The following NINJ2 variants were observed in gnomAD, a reference collection of about 807,000 sequenced individuals.
The protein encoded by NINJ2 is ninjurin 2.
NINJ2 carries 12 observed loss-of-function variants against 11.7 expected under a neutral mutation model. The ratio of observed to expected loss-of-function variants is 1.02; its 90% CI spans 0.66 to 1.66. NINJ2 has a LOEUF of 1.66. NINJ2 is among the 40% of genes most tolerant of loss of function. The probability of loss-of-function intolerance (pLI) is 0.00; values close to 1 mark genes in which losing one functional copy is unlikely to be tolerated. For synonymous variants in NINJ2, 93 were observed against 76.8 expected (o/e 1.21, Z -1.10); for missense variants, 187 against 181.8 (o/e 1.03, Z -0.16).
intron 1 of NINJ2, among the ~76,000 whole-genome samples, chr12:656,517 G>C (rs1195393301): frequency 6.6e-6 from 1 of 151,986 alleles, no homozygotes; most frequent in African/African-American, 2.4e-5. Flanking sequence ...TTGGGAGGTA[G>C]GGTCTGGTGG....
chr12:588,095 A>G (rs1947665633), intron 1 of NINJ2, among the ~76,000 whole-genome samples: 1 of 151,498 alleles, frequency 6.6e-6, no homozygotes, highest in African/African-American at 2.5e-5. Context: ...TTTCCCCTTG[A>G]AAAAAATTCC....
At chr12:651,767 A>G (rs1937789668) in intron 1 of NINJ2, among the ~76,000 whole-genome samples, 1 of 152,216 alleles carries the variant, frequency 6.6e-6, no homozygotes, top group South Asian at 2.1e-4. Context: ...GAGAGAACCA[A>G]AAAGAAACGC....
chr12:641,780 G>T (rs1167614203), intron 1 of NINJ2, among the ~76,000 whole-genome samples: 1 of 138,950 alleles, frequency 7.2e-6, no homozygotes, highest in South Asian at 2.3e-4. Flanking sequence ...GGGAGGTGGA[G>T]GTTGCAGTGA....
intron 1 of NINJ2, among the ~76,000 whole-genome samples, chr12:660,834 G>A (rs1164897206): frequency 6.6e-6 from 1 of 152,132 alleles, no homozygotes; most frequent in African/African-American, 2.4e-5. Context: ...GGTGGTACAT[G>A]CCTATAATCC....
chr12:646,453 A>T (rs1443762666), intron 1 of NINJ2, among the ~76,000 whole-genome samples: 5 of 152,178 alleles, frequency 3.3e-5, no homozygotes, highest in Non-Finnish European at 7.4e-5. Context: ...TGGGCTTTGC[A>T]AGATTCCTGC....
chr12:662,206 G>A (rs1359046190), intron 1 of NINJ2, among the ~76,000 whole-genome samples: 1 of 152,238 alleles, frequency 6.6e-6, no homozygotes, highest in Non-Finnish European at 1.5e-5. Context: ...AGAGGGACAA[G>A]CAAGCCTTGC....
At chr12:622,246 A>G (rs1023624978) in intron 1 of NINJ2, among the ~76,000 whole-genome samples, 3 of 151,362 alleles carry the variant, frequency 2.0e-5, no homozygotes, top group African/African-American at 7.3e-5. Flanking sequence ...CGTCTCTACT[A>G]AAAAATACAA....
At chr12:656,829 G>A (rs1397049256) in intron 1 of NINJ2, among the ~76,000 whole-genome samples, 1 of 151,956 alleles carries the variant, frequency 6.6e-6, no homozygotes, top group Non-Finnish European at 1.5e-5. Flanking sequence ...TAGATCAATG[G>A]AACAGAATAA....
chr12:599,883 G>A (rs1224427384), intron 1 of NINJ2, among the ~76,000 whole-genome samples: 5 of 152,078 alleles, frequency 3.3e-5, no homozygotes, highest in Non-Finnish European at 5.9e-5. Context: ...TGCCCGTCTC[G>A]GGCACAGGAG....
At chr12:601,552 A>T (rs1460829101) in intron 1 of NINJ2, among the ~76,000 whole-genome samples, 15 of 146,838 alleles carry the variant, frequency 1.0e-4, no homozygotes, top group African/African-American at 2.5e-4. Context: ...CCGTCTCAAA[A>T]AAAAAAAAAA....
chr12:650,495 C>T (rs1054112940), intron 1 of NINJ2, among the ~76,000 whole-genome samples: 6 of 152,202 alleles, frequency 3.9e-5, no homozygotes, highest in East Asian at 1.9e-4. Context: ...GTCAGGAGTC[C>T]GAGACCAGCC....
intron 1 of NINJ2, among the ~76,000 whole-genome samples, chr12:639,446 G>A (rs964810794): frequency 6.6e-6 from 1 of 151,884 alleles, no homozygotes; most frequent in African/African-American, 2.4e-5. Flanking sequence ...TCTAGCTCAG[G>A]AGCCTGTGTC....
At chr12:642,883 G>C (rs918785666) in intron 1 of NINJ2, 1 of 150,528 alleles carries the variant, frequency 6.6e-6, no homozygotes, top group Non-Finnish European at 1.5e-5. Context: ...GCCCGCCCGC[G>C]TCAGCTGACC....
intron 1 of NINJ2, among the ~76,000 whole-genome samples, chr12:592,857 T>C (rs534274012): frequency 1.3e-5 from 2 of 152,132 alleles, no homozygotes; most frequent in South Asian, 2.1e-4. Flanking sequence ...CTCAGAAAAG[T>C]TATGAAAAGA....
intron 1 of NINJ2, among the ~76,000 whole-genome samples, chr12:587,410 G>A (rs531080209): frequency 6.6e-6 from 1 of 152,352 alleles, no homozygotes; most frequent in South Asian, 2.1e-4. Flanking sequence ...TTATTGTGCA[G>A]GACAGAATGT....
intron 1 of NINJ2, chr12:644,414 A>G (rs1937644632): frequency 6.6e-6 from 1 of 152,226 alleles, no homozygotes; most frequent in Admixed American, 6.6e-5. Context: ...TACTACTGCT[A>G]TTCCCATTTT....
At chr12:583,906 A>G (rs1947595930) in intron 1 of NINJ2, among the ~76,000 whole-genome samples, 1 of 152,174 alleles carries the variant, frequency 6.6e-6, no homozygotes, top group South Asian at 2.1e-4. Flanking sequence ...GCATTAACCT[A>G]TTTTTAAGGA....
rs147264446 is a variant in NINJ2 at position 623,087 on chromosome 12, T to A, written c.33+40241A>T. 2.0e-5 allele frequency among the ~76,000 whole-genome samples: 3 copies of A among 152,334 alleles called. No homozygotes were observed. In the East Asian group the frequency reaches 5.8e-4, roughly 29 times the overall value. On this transcript the variant is annotated intron_variant, in intron 1 of 3. Coordinates refer to ENST00000305108, the MANE Select transcript of NINJ2 (RefSeq NM_016533.6). ...AAGACCAGATCAGCAAAAGACAGCA[T>A]GCACTCAGGTGGAATATTGCAAAGG... is the stretch of plus-strand genomic sequence containing the variant.
At chr12:598,952 G>A (rs1246693300) in intron 1 of NINJ2, among the ~76,000 whole-genome samples, 1 of 151,734 alleles carries the variant, frequency 6.6e-6, no homozygotes, top group Admixed American at 6.6e-5. Context: ...CACCTGCCTC[G>A]GCCTCCCAAA....
Sources: allele counts gnomAD v4.1 joint callset (sites outside exome capture counted in the v4.1 genomes callset), GRCh38; gene constraint gnomAD v4.1.1; transcripts MANE v1.5; gene names NCBI Gene and HGNC (gene_info 2026-07-23, HGNC 2026-07-21).